Variants in PARD3 observed in about 807,000 individuals in gnomAD.
The protein encoded by PARD3 is par-3 family cell polarity regulator, also known as partitioning defective 3 homolog.
In PARD3, 75 loss-of-function variants were observed where a neutral mutation model predicts 155.4. The ratio of observed to expected loss-of-function variants is 0.48; its 90% CI spans 0.40 to 0.58. The LOEUF (loss-of-function observed/expected upper bound fraction) is 0.58. Ranked by LOEUF, PARD3 falls within the 20% of genes least tolerant of loss-of-function variation. The probability of loss-of-function intolerance (pLI) is 0.00; values close to 1 mark genes in which losing one functional copy is unlikely to be tolerated. For synonymous variants in PARD3, 576 were observed against 610.5 expected, an observed-to-expected ratio of 0.94 and a Z score of 0.83; for missense variants, 1,642 against 1,721.7, an observed-to-expected ratio of 0.95 and a Z score of 0.82.
intron 5 of PARD3, among the ~76,000 whole-genome samples, chr10:34,429,730 T>C (rs1461656185): frequency 1.3e-5 from 2 of 152,080 alleles, no homozygotes; most frequent in South Asian, 2.1e-4. Context: ...GGATTACAGA[T>C]GCCCATCAAC....
intron 2 of PARD3, among the ~76,000 whole-genome samples, chr10:34,586,586 A>T (rs2088075844): frequency 6.6e-6 from 1 of 152,200 alleles, no homozygotes; most frequent in Admixed American, 6.5e-5. Flanking sequence ...TGTAAAATGC[A>T]TAATGATTAA....
intron 2 of PARD3, among the ~76,000 whole-genome samples, chr10:34,682,942 A>ATGGTGGTGG (rs1013038463): frequency 6.6e-6 from 1 of 152,166 alleles, no homozygotes; most frequent in Non-Finnish European, 1.5e-5. Flanking sequence ...TAATTTGACA[A>ATGGTGGTGG]TGGTGGTGGT....
chr10:34,213,029 C>T (rs1189299108), intron 22 of PARD3, among the ~76,000 whole-genome samples: 5 of 152,194 alleles, frequency 3.3e-5, no homozygotes, highest in African/African-American at 1.2e-4. Flanking sequence ...AAAGCTTGCC[C>T]AAGTGTTTTA....
intron 1 of PARD3, among the ~76,000 whole-genome samples, chr10:34,708,310 T>C (rs1178790385): frequency 2.7e-5 from 4 of 149,352 alleles, no homozygotes; most frequent in Non-Finnish European, 5.9e-5. Context: ...CTAAGTGCAA[T>C]GTATGATCCT....
intron 1 of PARD3, among the ~76,000 whole-genome samples, chr10:34,723,877 G>C (rs994682435): frequency 2.6e-5 from 4 of 152,188 alleles, no homozygotes; most frequent in African/African-American, 9.7e-5. Flanking sequence ...TGGGCTCACA[G>C]TGGAAGGGTG....
At chr10:34,383,131 A>G (rs1842019271) in intron 8 of PARD3, among the ~76,000 whole-genome samples, 1 of 152,200 alleles carries the variant, frequency 6.6e-6, no homozygotes, top group Non-Finnish European at 1.5e-5. Context: ...TCATTCTCTC[A>G]ATAAAAATAG....
At chr10:34,773,357 C>T (rs971096268) in intron 1 of PARD3, among the ~76,000 whole-genome samples, 7 of 152,092 alleles carry the variant, frequency 4.6e-5, no homozygotes, top group Admixed American at 3.9e-4. Context: ...AATGAATAAC[C>T]GTGGCTGACT....
At chr10:34,601,433 C>G (rs1471415401) in intron 2 of PARD3, among the ~76,000 whole-genome samples, 1 of 152,100 alleles carries the variant, frequency 6.6e-6, no homozygotes, top group African/African-American at 2.4e-5. Flanking sequence ...AAAGTGAGAA[C>G]CCGTCGTTCA....
At position 34,418,999 on chromosome 10, in the gene PARD3, C is replaced by T. The variant is rs1357762347; in HGVS notation, c.715-17082G>A. Among the ~76,000 whole-genome samples the T allele has an allele frequency of 3.3e-5, 5 of 152,078 alleles. No homozygotes were observed. In the South Asian group the frequency reaches 8.3e-4, roughly 25 times the overall value. ...CTGCCCAGCCCAGGCAGGTCTCGAA[C>T]TCCTGGGCTCAAGCAATCCAACTAC... is the stretch of plus-strand genomic sequence containing the variant. On this transcript the variant is annotated intron_variant, in intron 5 of 24. Transcript: ENST00000374788.
At chr10:34,258,216 T>C (rs1384084980) in intron 22 of PARD3, among the ~76,000 whole-genome samples, 1 of 152,188 alleles carries the variant, frequency 6.6e-6, no homozygotes, top group Non-Finnish European at 1.5e-5. Context: ...GGTCATATTT[T>C]GTTTCAGGTA....
intron 2 of PARD3, among the ~76,000 whole-genome samples, chr10:34,628,331 T>C (rs752250682): frequency 6.6e-6 from 1 of 152,232 alleles, no homozygotes; most frequent in East Asian, 1.9e-4. Context: ...TCTGTGTACA[T>C]ATTAAGTAAA....
At chr10:34,264,507 C>T (rs1040414163) in intron 22 of PARD3, among the ~76,000 whole-genome samples, 6 of 152,150 alleles carry the variant, frequency 3.9e-5, no homozygotes, top group South Asian at 2.1e-4. Flanking sequence ...GAGCTGCTCA[C>T]AGGACCAGAC....
chr10:34,362,779 C>T (rs1319796660), intron 12 of PARD3, among the ~76,000 whole-genome samples: 1 of 152,224 alleles, frequency 6.6e-6, no homozygotes, highest in African/African-American at 2.4e-5. Context: ...ACGTGCCCAG[C>T]CCCTTGAAAC....
chr10:34,202,249 C>G (rs1026388133), intron 22 of PARD3, among the ~76,000 whole-genome samples: 5 of 152,020 alleles, frequency 3.3e-5, no homozygotes, highest in African/African-American at 1.2e-4. Context: ...ATTTTTAAAT[C>G]TTTTATAAAG....
chr10:34,493,732 CAAAAAA>C (rs140921203), intron 3 of PARD3, among the ~76,000 whole-genome samples: 1 of 131,930 alleles, frequency 7.6e-6, no homozygotes, highest in African/African-American at 2.7e-5. Context: ...AACTCTGTCT[CAAAAAA>C]AAAAGAAAAA....
chr10:34,535,131 A>G (rs1589917033), intron 2 of PARD3, among the ~76,000 whole-genome samples: 1 of 152,206 alleles, frequency 6.6e-6, no homozygotes, highest in African/African-American at 2.4e-5. Context: ...TCTACATAAA[A>G]CTCTGTATAA....
At chr10:34,731,447 T>C (rs541154782) in intron 1 of PARD3, among the ~76,000 whole-genome samples, 5 of 152,350 alleles carry the variant, frequency 3.3e-5, no homozygotes, top group African/African-American at 1.2e-4. Context: ...TTGTAGTGAT[T>C]AGCACATTAC....
intron 22 of PARD3, among the ~76,000 whole-genome samples, chr10:34,146,868 C>A (rs1338942062): frequency 6.6e-6 from 1 of 152,162 alleles, no homozygotes; most frequent in Non-Finnish European, 1.5e-5. Flanking sequence ...CACATCCCCA[C>A]CAGTAGATAT....
chr10:34,769,866 T>TAC (rs66728770), intron 1 of PARD3, among the ~76,000 whole-genome samples: 54,102 of 150,630 alleles, frequency 0.36, 10,818 homozygotes, highest in Non-Finnish European at 0.45. Flanking sequence ...CTCAAATTCA[T>TAC]ACACACACAC....
Sources: allele counts gnomAD v4.1 joint callset (sites outside exome capture counted in the v4.1 genomes callset), GRCh38; gene constraint gnomAD v4.1.1; transcripts MANE v1.5; gene names NCBI Gene and HGNC (gene_info 2026-07-23, HGNC 2026-07-21).